The following EXOC2 variants were observed in gnomAD, a reference collection of about 807,000 sequenced individuals.
The protein encoded by EXOC2 is exocyst complex component 2.
A neutral mutation model predicts 131.8 loss-of-function variants in EXOC2; 70 were observed. That is an observed-to-expected ratio of 0.53 (90% CI 0.44 to 0.65). The LOEUF (loss-of-function observed/expected upper bound fraction) is 0.65. Among genes scored for constraint, EXOC2 ranks in the 30% least tolerant of loss-of-function variants. The pLI, the probability that EXOC2 is intolerant of heterozygous loss-of-function variation, is 0.00. For synonymous variants in EXOC2, 411 were observed against 398.4 expected (o/e 1.03, Z -0.38); for missense variants, 923 against 1,108.6 (o/e 0.83, Z 2.38).
chr6:631,415 G>A (rs1347404762), intron 3 of EXOC2, among the ~76,000 whole-genome samples: 1 of 152,144 alleles, frequency 6.6e-6, no homozygotes, highest in Non-Finnish European at 1.5e-5. Flanking sequence ...GCACGCACCT[G>A]TAATCCCGGC....
chr6:570,352 T>C (rs917910188), intron 13 of EXOC2, among the ~76,000 whole-genome samples: 3 of 152,256 alleles, frequency 2.0e-5, no homozygotes, highest in South Asian at 2.1e-4. Flanking sequence ...CCAGGATGAT[T>C]TCAATCTCCT....
chr6:680,116 T>G (rs558807717), intron 1 of EXOC2, among the ~76,000 whole-genome samples: 6 of 152,142 alleles, frequency 3.9e-5, no homozygotes, highest in Non-Finnish European at 7.4e-5. Context: ...GCTTCAACAT[T>G]CTGTGTCTTG....
intron 23 of EXOC2, among the ~76,000 whole-genome samples, chr6:513,917 G>C (rs1561802600): frequency 6.6e-6 from 1 of 152,118 alleles, no homozygotes; most frequent in African/African-American, 2.4e-5. Context: ...TAAAAATCTA[G>C]CCACAAACTG....
At chr6:665,370 T>C (rs916335721) in intron 1 of EXOC2, among the ~76,000 whole-genome samples, 3 of 152,218 alleles carry the variant, frequency 2.0e-5, no homozygotes, top group African/African-American at 7.2e-5. Context: ...TGGAAAACAG[T>C]GTGGAGATTC....
intron 25 of EXOC2, among the ~76,000 whole-genome samples, chr6:492,336 A>C (rs2127469700): frequency 6.6e-6 from 1 of 152,338 alleles, no homozygotes; most frequent in East Asian, 1.9e-4. Flanking sequence ...ACTTTGGAGA[A>C]CCGTCTGGCA....
rs1039160040 is a variant in EXOC2 at position 655,155 on chromosome 6, CTTTAT to C, written c.-43-17299_-43-17295del. On this transcript the variant is annotated intron_variant, in intron 1 of 27. Coordinates refer to ENST00000230449, the MANE Select transcript of EXOC2 (RefSeq NM_018303.6). ...GTCAATCGATCCAGCAAGTTAACTACTTTATTTTAAGAAATTGCCACAGCTACCTG... is the reference window on the plus strand; with the variant it reads ...GTCAATCGATCCAGCAAGTTAACTACTTTAAGAAATTGCCACAGCTACCTG... 5.3e-4 allele frequency among the ~76,000 whole-genome samples: 81 copies of C among 152,190 alleles called. 1 individual carries two copies. Among genetic ancestry groups the C allele is most frequent in the Non-Finnish European group, 1.6e-4 (11 of 68,022 alleles).
At chr6:517,419 A>G (rs917660071) in intron 23 of EXOC2, among the ~76,000 whole-genome samples, 22 of 152,214 alleles carry the variant, frequency 1.4e-4, no homozygotes, top group Middle Eastern at 3.2e-3. Context: ...TAATCAAAAA[A>G]TAAAAAAATA....
At chr6:517,250 T>A (rs747345200) in intron 23 of EXOC2, among the ~76,000 whole-genome samples, 2 of 152,096 alleles carry the variant, frequency 1.3e-5, no homozygotes, top group Non-Finnish European at 2.9e-5. Context: ...GAAACCAGCA[T>A]GAGTGTGGAA....
intron 27 of EXOC2, among the ~76,000 whole-genome samples, 177 bp from the exon 28 acceptor site, chr6:486,941 T>C (rs908277189): frequency 2.6e-5 from 4 of 152,232 alleles, no homozygotes; most frequent in African/African-American, 9.6e-5. Context: ...AAGAAGTTGA[T>C]CAAATAGGAT....
chr6:630,542 G>A (rs1288978463), intron 3 of EXOC2, among the ~76,000 whole-genome samples: 1 of 152,192 alleles, frequency 6.6e-6, no homozygotes, highest in Non-Finnish European at 1.5e-5. Context: ...GTGAGTTTCT[G>A]CTTCTGGGTT....
At chr6:614,064 A>G (rs6928352) in intron 6 of EXOC2, among the ~76,000 whole-genome samples, 142,690 of 152,206 alleles carry the variant, frequency 0.94, 66,939 homozygotes, top group East Asian at 1. Context: ...ATTATGCACC[A>G]AAGAATTTAA....
chr6:682,148 C>G (rs1764431625), intron 1 of EXOC2, among the ~76,000 whole-genome samples: 1 of 152,134 alleles, frequency 6.6e-6, no homozygotes, highest in Non-Finnish European at 1.5e-5. Flanking sequence ...GCACTTCTAT[C>G]CAACACAAGC....
At chr6:581,981 A>C (rs972886978) in intron 11 of EXOC2, among the ~76,000 whole-genome samples, 1 of 152,222 alleles carries the variant, frequency 6.6e-6, no homozygotes, top group Admixed American at 6.5e-5. Flanking sequence ...ACAGTTGGAA[A>C]ATTTGTTTTC....
chr6:582,544 C>T (rs567650275), intron 11 of EXOC2, among the ~76,000 whole-genome samples: 14 of 146,174 alleles, frequency 9.6e-5, no homozygotes, highest in Non-Finnish European at 2.0e-4. Flanking sequence ...TGACCAAACA[C>T]GGGCCGGGAG....
intron 1 of EXOC2, among the ~76,000 whole-genome samples, chr6:666,178 T>C (rs1374046213): frequency 1.3e-5 from 2 of 152,200 alleles, no homozygotes; most frequent in Non-Finnish European, 2.9e-5. Context: ...GTCAGCATCC[T>C]TTCTCCATTC....
At chr6:607,327 T>C (rs1760472659) in intron 7 of EXOC2, among the ~76,000 whole-genome samples, 1 of 152,222 alleles carries the variant, frequency 6.6e-6, no homozygotes, top group African/African-American at 2.4e-5. Flanking sequence ...TTACATAACC[T>C]TACATGGCTC....
chr6:590,918 C>A (rs1051160865), intron 11 of EXOC2, among the ~76,000 whole-genome samples: 1 of 152,186 alleles, frequency 6.6e-6, no homozygotes, highest in African/African-American at 2.4e-5. Flanking sequence ...ACATGTCAGA[C>A]AACCCCAAGT....
At chr6:596,430 C>T (rs1365164824) in intron 10 of EXOC2, among the ~76,000 whole-genome samples, 2 of 150,644 alleles carry the variant, frequency 1.3e-5, no homozygotes, top group Non-Finnish European at 2.9e-5. Context: ...TGCAGTGGTA[C>T]GATCACATCT....
At chr6:524,587 CATAAA>C (rs1181812035) in intron 23 of EXOC2, among the ~76,000 whole-genome samples, 1 of 152,044 alleles carries the variant, frequency 6.6e-6, no homozygotes, top group Non-Finnish European at 1.5e-5. Context: ...ATGCAGGTTT[CATAAA>C]ATAAGATTGA....
Sources: gnomAD v4.1 joint callset for allele counts (sites outside exome capture counted in the v4.1 genomes callset) on GRCh38, gnomAD v4.1.1 for gene constraint, MANE v1.5 for transcripts, NCBI Gene and HGNC (gene_info 2026-07-23, HGNC 2026-07-21) for gene names.